NREP: variants seen among roughly 807,000 people sequenced by gnomAD.
The protein encoded by NREP is neuronal regeneration-related protein.
NREP carries 5 observed loss-of-function variants against 8.6 expected under a neutral mutation model. That is an observed-to-expected ratio of 0.58 (90% CI 0.30 to 1.22). The LOEUF is 1.22. Among genes scored for constraint, NREP ranks in the 50% most tolerant of loss-of-function variants. The probability of loss-of-function intolerance (pLI) is 0.07; values close to 1 mark genes in which losing one functional copy is unlikely to be tolerated. For synonymous variants in NREP, 27 were observed against 28.0 expected (o/e 0.96, Z 0.11); for missense variants, 86 against 82.5 (o/e 1.04, Z -0.17).
intron 2 of NREP, among the ~76,000 whole-genome samples, chr5:111,849,987 C>G (rs533344173): frequency 6.6e-6 from 1 of 152,158 alleles, no homozygotes; most frequent in Non-Finnish European, 1.5e-5. Context: ...TGTGGACTCA[C>G]CATATTAGCC....
chr5:111,835,963 G>A (rs962628321), intron 2 of NREP, among the ~76,000 whole-genome samples: 1 of 152,110 alleles, frequency 6.6e-6, no homozygotes, highest in Non-Finnish European at 1.5e-5. Flanking sequence ...CTTTAAAAGA[G>A]AAGTGAGGAA....
At chr5:111,819,747 T>C (rs1752474503) in intron 2 of NREP, among the ~76,000 whole-genome samples, 1 of 152,220 alleles carries the variant, frequency 6.6e-6, no homozygotes, top group Non-Finnish European at 1.5e-5. Flanking sequence ...ACATTGAACT[T>C]ACAAGCAATA....
chr5:111,957,775 C>T (rs1024121479), intron 2 of NREP, among the ~76,000 whole-genome samples: 1 of 151,304 alleles, frequency 6.6e-6, no homozygotes, highest in South Asian at 2.1e-4. Context: ...ACAACATAAC[C>T]AGGTAAGTTA....
intron 2 of NREP, among the ~76,000 whole-genome samples, chr5:111,944,848 A>G (rs1031960381): frequency 6.6e-6 from 1 of 152,136 alleles, no homozygotes; most frequent in East Asian, 1.9e-4. Context: ...TGCAGACTTC[A>G]GTTAGTTCAT....
intron 2 of NREP, among the ~76,000 whole-genome samples, chr5:111,895,243 T>C (rs1366165331): frequency 6.6e-6 from 1 of 152,016 alleles, no homozygotes; most frequent in Non-Finnish European, 1.5e-5. Flanking sequence ...GGCTCAGGAA[T>C]TGATGGTAGT....
chr5:111,935,571 G>C (rs73787739), intron 2 of NREP, among the ~76,000 whole-genome samples: 2,088 of 152,130 alleles, frequency 0.014, 25 homozygotes, highest in South Asian at 0.041. Flanking sequence ...GATAAAGGCA[G>C]CTTGATCAAG....
chr5:111,886,829 G>T (rs1754263081), intron 2 of NREP, among the ~76,000 whole-genome samples: 1 of 151,688 alleles, frequency 6.6e-6, no homozygotes, highest in Non-Finnish European at 1.5e-5. Flanking sequence ...TTGTGGGGTT[G>T]GGGGACGGGG....
chr5:111,975,030 C>G (rs1359424176), intron 2 of NREP, among the ~76,000 whole-genome samples: 1 of 152,076 alleles, frequency 6.6e-6, no homozygotes, highest in Admixed American at 6.6e-5. Context: ...GGGATGGATG[C>G]TAAGTAAGGA....
intron 2 of NREP, among the ~76,000 whole-genome samples, chr5:111,947,376 T>C (rs1051736900): frequency 2.6e-5 from 4 of 151,734 alleles, no homozygotes; most frequent in Non-Finnish European, 5.9e-5. Flanking sequence ...AAATATGACA[T>C]AATAAATAAT....
At chr5:111,970,675 A>C (rs1756787576) in intron 2 of NREP, among the ~76,000 whole-genome samples, 1 of 151,926 alleles carries the variant, frequency 6.6e-6, no homozygotes, top group South Asian at 2.1e-4. Flanking sequence ...AAAACACAGA[A>C]AGTAGCTGGG....
At chr5:111,833,039 C>T (rs980704878) in intron 2 of NREP, among the ~76,000 whole-genome samples, 2 of 152,208 alleles carry the variant, frequency 1.3e-5, no homozygotes, top group Admixed American at 6.5e-5. Flanking sequence ...AATTACTTCC[C>T]CAGGACTGTA....
intron 2 of NREP, among the ~76,000 whole-genome samples, chr5:111,845,067 G>T (rs1172215899): frequency 6.6e-6 from 1 of 152,076 alleles, no homozygotes; most frequent in Non-Finnish European, 1.5e-5. Context: ...GGCCACAGAG[G>T]TCTGCCTGTT....
chr5:111,736,663 C>T lies in NREP; in HGVS notation c.4-1156G>A, dbSNP rs553139668. Among the ~76,000 whole-genome samples the T allele has an allele frequency of 1.1e-4, 16 of 152,194 alleles. 1 individual carries two copies. In the South Asian group the frequency reaches 1.7e-3, roughly 16 times the overall value. On this transcript the variant is annotated intron_variant, in intron 2 of 3. Coordinates refer to ENST00000257435, the MANE Select transcript of NREP (RefSeq NM_004772.4). The stretch of plus-strand genomic sequence containing the variant: ...TAGATGGCTAAGTGTGTTCACTCTT[C>T]GGAATAATTGAACAGTAACTAACTA...
chr5:111,876,619 A>G (rs895513651), intron 2 of NREP, among the ~76,000 whole-genome samples: 5 of 152,232 alleles, frequency 3.3e-5, no homozygotes, highest in Non-Finnish European at 7.3e-5. Flanking sequence ...CAATCTGCCA[A>G]TGTGAGGAAA....
chr5:111,773,909 C>A (rs1751295415), intron 2 of NREP, among the ~76,000 whole-genome samples: 1 of 152,024 alleles, frequency 6.6e-6, no homozygotes, highest in Admixed American at 6.6e-5. Flanking sequence ...TAGCTTATAC[C>A]AAAAGACCAC....
chr5:111,923,612 T>G (rs143400393), intron 2 of NREP, among the ~76,000 whole-genome samples: 6 of 152,244 alleles, frequency 3.9e-5, no homozygotes, highest in African/African-American at 7.2e-5. Flanking sequence ...TCTCCAGGGT[T>G]TATTTGGTGG....
intron 2 of NREP, among the ~76,000 whole-genome samples, chr5:111,746,838 C>T (rs1372477765): frequency 6.6e-6 from 1 of 152,140 alleles, no homozygotes; most frequent in African/African-American, 2.4e-5. Context: ...ATTCTGTTAA[C>T]AACACAACTG....
At chr5:111,949,328 C>T (rs1443312843) in intron 2 of NREP, among the ~76,000 whole-genome samples, 1 of 150,676 alleles carries the variant, frequency 6.6e-6, no homozygotes, top group Non-Finnish European at 1.5e-5. Context: ...GTCTAGTGCA[C>T]AGGAAAAGAC....
intron 2 of NREP, among the ~76,000 whole-genome samples, chr5:111,805,787 G>C (rs960310742): frequency 6.6e-6 from 1 of 152,040 alleles, no homozygotes; most frequent in Non-Finnish European, 1.5e-5. Context: ...ATCAAATATG[G>C]CAAAATGTTA....
Sources: allele counts gnomAD v4.1 joint callset (sites outside exome capture counted in the v4.1 genomes callset), GRCh38; gene constraint gnomAD v4.1.1; transcripts MANE v1.5; gene names NCBI Gene and HGNC (gene_info 2026-07-23, HGNC 2026-07-21).